The following TIAM1 variants were observed in gnomAD, a reference collection of about 807,000 sequenced individuals.
TIAM1 encodes TIAM Rac1 associated GEF 1.
TIAM1 carries 65 observed loss-of-function variants against 163.5 expected under a neutral mutation model. That is an observed-to-expected ratio of 0.40 (90% confidence interval 0.33 to 0.49). The LOEUF is 0.49. Ranked by LOEUF, TIAM1 falls within the 20% of genes least tolerant of loss-of-function variation. The pLI is 0.77. For synonymous variants in TIAM1, 833 were observed against 810.1 expected, an observed-to-expected ratio of 1.03 and a Z score of -0.48; for missense variants, 1,789 against 2,044.7, an observed-to-expected ratio of 0.87 and a Z score of 2.41.
chr21:31,120,840 GCA>G lies in TIAM1; in HGVS notation c.4307-5_4307-4del, dbSNP rs755718365. Reference sequence around the variant, plus strand: ...AAGAGACTTGCTTGGGGCAGACACTGCACACACACACAAAAATATAAAAATAA... The same window carrying G: ...AAGAGACTTGCTTGGGGCAGACACTGCACACACACAAAAATATAAAAATAA... On this transcript the variant is annotated splice_region_variant and splice_polypyrimidine_tract_variant and intron_variant, in intron 27 of 27. Transcript: ENST00000541036. This position sits in a 1 kb window ranked among gnomAD's most constrained non-coding sequence, Gnocchi z 4.2. The G allele has an allele frequency of 5.7e-6, 9 of 1,588,494 alleles. No homozygotes were observed. Among genetic ancestry groups the G allele is most frequent in the South Asian group, 2.3e-5 (2 of 88,226 alleles).
chr21:31,171,502 C>G (rs2084512190), intron 15 of TIAM1, among the ~76,000 whole-genome samples: 1 of 152,096 alleles, frequency 6.6e-6, no homozygotes, highest in South Asian at 2.1e-4. Context: ...TAAAAGAACT[C>G]TTACAAATCA....
chr21:31,173,089 C>G (rs1646289747), intron 15 of TIAM1, among the ~76,000 whole-genome samples: 1 of 152,114 alleles, frequency 6.6e-6, no homozygotes, highest in African/African-American at 2.4e-5. Context: ...TTGAGATTTA[C>G]CTTTCATTTA....
At chr21:31,479,407 G>A (rs960594254) in intron 1 of TIAM1, among the ~76,000 whole-genome samples, 1 of 151,116 alleles carries the variant, frequency 6.6e-6, no homozygotes, top group South Asian at 2.1e-4. Context: ...ATGGACGGAG[G>A]GGCGGGCGGA....
intron 2 of TIAM1, among the ~76,000 whole-genome samples, chr21:31,402,813 G>T (rs536663594): frequency 4.6e-5 from 7 of 152,042 alleles, no homozygotes; most frequent in Non-Finnish European, 7.4e-5. Flanking sequence ...TTAGCCGGGC[G>T]TGGTAGCAGG....
chr21:31,453,844 G>A (rs1452077895), intron 2 of TIAM1, among the ~76,000 whole-genome samples: 1 of 151,804 alleles, frequency 6.6e-6, no homozygotes, highest in African/African-American at 2.4e-5. Flanking sequence ...AGACCAACAT[G>A]ACCTGGCCTG....
At chr21:31,503,162 C>T (rs1039416017) in intron 1 of TIAM1, among the ~76,000 whole-genome samples, 26 of 151,904 alleles carry the variant, frequency 1.7e-4, no homozygotes, top group African/African-American at 5.6e-4. Flanking sequence ...TGGGAGGCTG[C>T]GGCGGGTGGG....
Position 31,172,518 on chromosome 21 carries a change from G to T in TIAM1, c.2888-7453C>A, listed in dbSNP as rs191625985. 1.1e-3 allele frequency among the ~76,000 whole-genome samples: 169 copies of T among 152,288 alleles called. 1 individual carries two copies. The highest frequency in any genetic ancestry group is 8.9e-3 in the East Asian group (46 of 5,184). On this transcript the variant is annotated intron_variant, in intron 15 of 27. Coordinates refer to ENST00000541036, the MANE Select transcript of TIAM1 (RefSeq NM_001353694.2). ...CAATCAGAGAGAGAAGAAAGCTGAAGATAAGGCTCAGTCGTGGCTGGAGAA... is the reference window on the plus strand; with the variant it reads ...CAATCAGAGAGAGAAGAAAGCTGAATATAAGGCTCAGTCGTGGCTGGAGAA...
intron 8 of TIAM1, among the ~76,000 whole-genome samples, chr21:31,221,267 T>C (rs1198567087): frequency 6.6e-6 from 1 of 152,136 alleles, no homozygotes; most frequent in Non-Finnish European, 1.5e-5. Flanking sequence ...CCGGCTGAAA[T>C]GAAACCCCTC....
intron 2 of TIAM1, among the ~76,000 whole-genome samples, chr21:31,335,715 G>C (rs911641078): frequency 7.5e-6 from 1 of 133,614 alleles, no homozygotes; most frequent in Non-Finnish European, 1.5e-5. Context: ...CAAAAAAAAA[G>C]AAAAAAGAAA....
chr21:31,422,928 ATAGACAGC>A (rs1455282216), intron 2 of TIAM1, among the ~76,000 whole-genome samples: 1 of 152,022 alleles, frequency 6.6e-6, no homozygotes, highest in Non-Finnish European at 1.5e-5. Flanking sequence ...AGCCTGCAGC[ATAGACAGC>A]TGTCTGCCCC....
At chr21:31,319,362 T>C (rs2075232187) in intron 2 of TIAM1, among the ~76,000 whole-genome samples, 1 of 152,210 alleles carries the variant, frequency 6.6e-6, no homozygotes, top group Non-Finnish European at 1.5e-5. Flanking sequence ...TGTTTAACAT[T>C]TGGAGGAAGC....
chr21:31,168,694 C>T (rs1295449449), intron 15 of TIAM1, among the ~76,000 whole-genome samples: 3 of 152,144 alleles, frequency 2.0e-5, no homozygotes, highest in Admixed American at 6.6e-5. Flanking sequence ...GCCACTGTGC[C>T]AGGCCCCCTG....
At chr21:31,521,553 T>C (rs941095295) in intron 1 of TIAM1, among the ~76,000 whole-genome samples, 3 of 152,044 alleles carry the variant, frequency 2.0e-5, no homozygotes, top group Non-Finnish European at 4.4e-5. Context: ...CTGGGTAATA[T>C]AGCAATACCC....
At chr21:31,165,453 T>G (rs1408631846) in intron 15 of TIAM1, among the ~76,000 whole-genome samples, 4 of 152,000 alleles carry the variant, frequency 2.6e-5, no homozygotes, top group Admixed American at 2.6e-4. Context: ...TAAGAAGAGA[T>G]AGAAACCAGA....
chr21:31,305,735 A>G (rs546609041), intron 2 of TIAM1, among the ~76,000 whole-genome samples: 1 of 152,372 alleles, frequency 6.6e-6, no homozygotes, highest in South Asian at 2.1e-4. Context: ...CTTCTGTGCC[A>G]GTTTATGAAT....
In TIAM1 at chr21:31,210,582, GAA is replaced by G. The variant is rs1555890834; in HGVS notation, c.2218-369_2218-368del. On this transcript the variant is annotated intron_variant, in intron 10 of 27. Transcript: ENST00000541036. ...AGAAAGAAAGAAAGAAAGAAAGAAA[GAA>G]AGAAAGAAAGAGAGAAAGAAGGAAG... 3.5e-4 allele frequency among the ~76,000 whole-genome samples: 41 copies of G among 118,136 alleles called. 1 individual carries two copies. The highest frequency in any genetic ancestry group is 1.1e-3 in the African/African-American group (26 of 23,434). The allele number at this position is 118,136 out of a possible 152,430, so 77.5% of individuals were successfully genotyped here. A position where few individuals can be genotyped will look rare whatever the true frequency, so the allele number is the denominator to read the frequency against.
At chr21:31,162,750 T>C (rs775038998) in intron 16 of TIAM1, among the ~76,000 whole-genome samples, 1 of 151,896 alleles carries the variant, frequency 6.6e-6, no homozygotes, top group African/African-American at 2.4e-5. Context: ...CAAGCAATTC[T>C]CCTGCCTCAG....
chr21:31,186,183 G>C (rs2085294060), intron 14 of TIAM1, among the ~76,000 whole-genome samples: 1 of 152,210 alleles, frequency 6.6e-6, no homozygotes, highest in Non-Finnish European at 1.5e-5. Flanking sequence ...GGGCTAAAAT[G>C]AAACAGGCAG....
At chr21:31,213,588 T>C in intron 9 of TIAM1, 116 bp from the exon 10 acceptor site, 1 of 809,570 alleles carries the variant, frequency 1.2e-6, no homozygotes. Context: ...CGTGTTCAGA[T>C]ACTCCTACAT....
Sources: allele counts gnomAD v4.1 joint callset (sites outside exome capture counted in the v4.1 genomes callset), GRCh38; gene constraint gnomAD v4.1.1; non-coding constraint Gnocchi (gnomAD v3.1); transcripts MANE v1.5; gene names NCBI Gene and HGNC (gene_info 2026-07-23, HGNC 2026-07-21).